The following SMARCA1 variants were observed in gnomAD, a reference collection of about 807,000 sequenced individuals.
SMARCA1 encodes the protein SNF2 related chromatin remodeling ATPase 1, also known as SWI/SNF-related matrix-associated actin-dependent regulator of chromatin subfamily A member 1.
In SMARCA1, 17 loss-of-function variants were observed where a neutral mutation model predicts 93.6. The ratio of observed to expected loss-of-function variants is 0.18; its 90% CI spans 0.12 to 0.27. SMARCA1 has a LOEUF of 0.27. Among genes scored for constraint, SMARCA1 ranks in the 10% least tolerant of loss-of-function variants. SMARCA1 has a pLI of 1.00. For missense variants in SMARCA1, 630 were observed against 819.0 expected (o/e 0.77, Z 2.82); for synonymous variants, 271 against 271.4 (o/e 1.00, Z 0.01).
chrX:129,463,957 C>A (rs756984435), intron 23 of SMARCA1, among the ~76,000 whole-genome samples: 1 of 111,503 alleles, frequency 9.0e-6, no homozygotes, highest in Non-Finnish European at 1.9e-5. Context: ...TAAATACCTA[C>A]ATACATACAA....
At chrX:129,456,264 C>A (rs961482781) in intron 23 of SMARCA1, among the ~76,000 whole-genome samples, 15 of 111,382 alleles carry the variant, frequency 1.3e-4, no homozygotes, top group Non-Finnish European at 2.6e-4. Context: ...ATACTTTAAG[C>A]CCATGTTGAG....
chrX:129,522,484 T>C (rs1054612330), intron 1 of SMARCA1, among the ~76,000 whole-genome samples: 6 of 83,717 alleles, frequency 7.2e-5, no homozygotes, highest in Admixed American at 4.5e-4. Context: ...GGTGCAGATG[T>C]TGGAAATTTT....
intron 14 of SMARCA1, among the ~76,000 whole-genome samples, 194 bp from the exon 15 acceptor site, chrX:129,490,386 A>G (rs1470687660): frequency 1.8e-5 from 2 of 112,491 alleles, no homozygotes; most frequent in Non-Finnish European, 3.8e-5. Flanking sequence ...ATATTGTACC[A>G]TTAATGGGAA....
chrX:129,514,276 C>A (rs1033963856), intron 5 of SMARCA1, among the ~76,000 whole-genome samples: 1 of 111,558 alleles, frequency 9.0e-6, no homozygotes, highest in Admixed American at 9.4e-5. Context: ...GAGATCATGC[C>A]ACTGCACTCC....
chrX:129,489,030 C>A lies in SMARCA1; in HGVS notation c.2004G>T (p.Met668Ile). The A allele has an allele frequency of 8.5e-7, 1 of 1,179,557 alleles. No homozygotes were observed. The part of the protein sequence containing the change: ...NKLAKEEMLQ[M>I]IRHGATHVFA... ...AAACATGGGTGGCTCCATGCCGTATCATTTGTAACATTTCCTCTTTTGCCA... is the reference window on the plus strand; with the variant it reads ...AAACATGGGTGGCTCCATGCCGTATAATTTGTAACATTTCCTCTTTTGCCA... Residue 668 changes from methionine (M) to isoleucine (I), a missense_variant, in exon 16 of 25, where the codon ATG becomes ATT. This residue lies in a region of SMARCA1 where 382 missense variants were observed against 537.9 expected (regional missense o/e 0.71). Transcript: ENST00000371121.
chrX:129,499,881 T>C, intron 9 of SMARCA1, 40 bp from the exon 10 acceptor site: 1 of 628,259 alleles, frequency 1.6e-6, no homozygotes, highest in East Asian at 3.7e-5. Flanking sequence ...ATGAAACATT[T>C]AATATGATTA....
chrX:129,475,817 G>A (rs1933357188), intron 19 of SMARCA1, among the ~76,000 whole-genome samples: 1 of 112,184 alleles, frequency 8.9e-6, no homozygotes, highest in African/African-American at 3.2e-5. Flanking sequence ...TGAATTAAAT[G>A]TGACACCACA....
chrX:129,470,638 G>A (rs1933074821), intron 20 of SMARCA1, among the ~76,000 whole-genome samples: 1 of 111,529 alleles, frequency 9.0e-6, no homozygotes, highest in Non-Finnish European at 1.9e-5. Context: ...GGAGGCCGAG[G>A]TGGGTGGATC....
chrX:129,514,135 G>A (rs966350487), intron 5 of SMARCA1, among the ~76,000 whole-genome samples: 1 of 112,385 alleles, frequency 8.9e-6, no homozygotes, highest in Admixed American at 9.4e-5. Context: ...AGACCATCGT[G>A]AAACCCCGTC....
At chrX:129,477,899 A>G (rs1156699383) in intron 19 of SMARCA1, among the ~76,000 whole-genome samples, 1 of 110,055 alleles carries the variant, frequency 9.1e-6, no homozygotes, top group Non-Finnish European at 1.9e-5. Flanking sequence ...ATTTGACTCT[A>G]CCCACTCACC....
intron 15 of SMARCA1, among the ~76,000 whole-genome samples, chrX:129,489,717 C>T (rs1232801294): frequency 9.0e-6 from 1 of 111,433 alleles, no homozygotes; most frequent in South Asian, 3.8e-4. Context: ...GCCACCACAC[C>T]CGGCTAATTT....
chrX:129,518,718 G>A (rs1320170530), intron 1 of SMARCA1: 1 of 182,902 alleles, frequency 5.5e-6, no homozygotes, highest in African/African-American at 3.0e-5. Context: ...GCAAGACACT[G>A]AGCTTTCTCA....
At chrX:129,488,356 C>G (rs1327154495) in intron 16 of SMARCA1, among the ~76,000 whole-genome samples, 1 of 103,428 alleles carries the variant, frequency 9.7e-6, no homozygotes, top group African/African-American at 3.5e-5. Context: ...TGCCTATAAT[C>G]TCAGTGCTTT....
At chrX:129,504,622 C>A in intron 9 of SMARCA1, 112 bp downstream of exon 9, 3 of 246,404 alleles carry the variant, frequency 1.2e-5, no homozygotes, top group Non-Finnish European at 2.3e-5. Context: ...GAAACAGTGA[C>A]ATTGAGCCAA....
Position 129,512,002 on chromosome X carries a change from G to C in SMARCA1, c.631-19C>G. The C allele has an allele frequency of 1.8e-6, 2 of 1,126,398 alleles. No individual in the cohort carries two copies. The highest frequency in any genetic ancestry group is 3.1e-5 in the East Asian group (1 of 32,134). The allele number at this position is 1,126,398 out of a possible 1,213,427, so 92.8% of individuals were successfully genotyped here. A position where few individuals can be genotyped will look rare whatever the true frequency, so the allele number is the denominator to read the frequency against. ...CAAGGCCCTGCATTATCATCACAAG[G>C]AAAAAAATCCATGAACATTTTTTCT... On this transcript the variant is annotated intron_variant, in intron 5 of 24. Transcript: ENST00000371121.
intron 9 of SMARCA1, among the ~76,000 whole-genome samples, chrX:129,502,275 G>C (rs1934597931): frequency 9.0e-6 from 1 of 111,546 alleles, no homozygotes; most frequent in Non-Finnish European, 1.9e-5. Context: ...TCCCCAGGGA[G>C]AGCATGTACG....
At chrX:129,469,042 T>A in intron 20 of SMARCA1, 137 bp from the exon 21 acceptor site, 1 of 365,707 alleles carries the variant, frequency 2.7e-6, no homozygotes. Context: ...AAATTGCACA[T>A]ATTTTATGTT....
chrX:129,512,628 G>A (rs966070776), intron 5 of SMARCA1, among the ~76,000 whole-genome samples: 5 of 111,636 alleles, frequency 4.5e-5, no homozygotes, highest in Non-Finnish European at 9.4e-5. Context: ...TCCTTTTTCG[G>A]CCTCTTAAAA....
intron 1 of SMARCA1, among the ~76,000 whole-genome samples, chrX:129,521,044 AT>A (rs61606302): frequency 5.0e-4 from 51 of 102,769 alleles, no homozygotes; most frequent in East Asian, 1.5e-3. Flanking sequence ...CACTTGGCTA[AT>A]TTTTTTTTTT....
Sources: allele counts gnomAD v4.1 joint callset (sites outside exome capture counted in the v4.1 genomes callset), GRCh38; gene constraint gnomAD v4.1.1; regional missense constraint gnomAD v4.1.1; transcripts MANE v1.5; gene names NCBI Gene and HGNC (gene_info 2026-07-23, HGNC 2026-07-21).